EFL1: variants seen among roughly 807,000 people sequenced by gnomAD.
EFL1 encodes the protein elongation factor-like GTPase 1.
A neutral mutation model predicts 126.7 loss-of-function variants in EFL1; 76 were observed. That is an observed-to-expected ratio of 0.60 (90% CI 0.50 to 0.73). The LOEUF (loss-of-function observed/expected upper bound fraction) is 0.73, where lower values mean the gene tolerates loss of function less well. Among genes scored for constraint, EFL1 ranks in the 30% least tolerant of loss-of-function variants. The pLI, the probability that EFL1 is intolerant of heterozygous loss-of-function variation, is 0.00. For synonymous variants in EFL1, 410 were observed against 448.4 expected (o/e 0.91, Z 1.08); for missense variants, 1,128 against 1,343.2 (o/e 0.84, Z 2.50).
chr15:82,169,587 A>G (rs1290341212), intron 15 of EFL1, among the ~76,000 whole-genome samples: 1 of 152,148 alleles, frequency 6.6e-6, no homozygotes, highest in East Asian at 1.9e-4. Flanking sequence ...AACTTTTATC[A>G]TTCATATTAG....
chr15:82,207,216 G>A (rs1157376094), intron 15 of EFL1, among the ~76,000 whole-genome samples: 10 of 150,718 alleles, frequency 6.6e-5, no homozygotes, highest in Non-Finnish European at 1.2e-4. Flanking sequence ...AGAAAAAGGA[G>A]GATACTTCCT....
chr15:82,143,277 AAAT>A (rs1337502797), intron 18 of EFL1, among the ~76,000 whole-genome samples: 1 of 152,246 alleles, frequency 6.6e-6, no homozygotes, highest in South Asian at 2.1e-4. Flanking sequence ...CCTATAAAAT[AAAT>A]AATAAACCTA....
intron 19 of EFL1, among the ~76,000 whole-genome samples, chr15:82,137,854 C>T (rs1452519719): frequency 2.0e-5 from 3 of 152,162 alleles, no homozygotes; most frequent in African/African-American, 4.8e-5. Context: ...TTTTCTCATG[C>T]GGCACCTTCT....
chr15:82,239,436 T>C (rs1352306010), intron 6 of EFL1, among the ~76,000 whole-genome samples: 1 of 152,184 alleles, frequency 6.6e-6, no homozygotes, highest in African/African-American at 2.4e-5. Flanking sequence ...TCGCCCGGCC[T>C]ACCTCTTCCT....
At chr15:82,235,253 T>C (rs1231207647) in intron 7 of EFL1, among the ~76,000 whole-genome samples, 1 of 152,176 alleles carries the variant, frequency 6.6e-6, no homozygotes, top group East Asian at 1.9e-4. Context: ...CAGAATTTGG[T>C]GAAATAATTT....
chr15:82,138,980 G>A (rs2073756300), intron 18 of EFL1, 138 bp from the exon 19 acceptor site: 4 of 831,628 alleles, frequency 4.8e-6, no homozygotes, highest in South Asian at 3.3e-5. Flanking sequence ...ACAAAAGCAA[G>A]GAACACTTTT....
At chr15:82,191,225 A>G (rs1028323881) in intron 15 of EFL1, among the ~76,000 whole-genome samples, 3 of 152,204 alleles carry the variant, frequency 2.0e-5, no homozygotes, top group Non-Finnish European at 4.4e-5. Flanking sequence ...AGAACAATAC[A>G]ACACACCCTG....
Position 82,240,669 on chromosome 15 carries a change from T to C in EFL1, c.379-114A>G, listed in dbSNP as rs1596004475. 10 of 1,232,920 alleles carry C rather than the reference T, an allele frequency of 8.1e-6. No individual in the cohort carries two copies. In the East Asian group the frequency reaches 2.5e-4, roughly 30 times the overall value. The allele number at this position is 1,232,920 out of a possible 1,614,324, so 76.4% of individuals were successfully genotyped here. A position where few individuals can be genotyped will look rare whatever the true frequency, so the allele number is the denominator to read the frequency against. The stretch of plus-strand genomic sequence containing the variant: ...TATGCCAGTCAGACAAAGGTATTCA[T>C]TAGGCATTCACAAACTATGTATACA... On this transcript the variant is annotated intron_variant, in intron 5 of 19. Coordinates refer to ENST00000268206, the MANE Select transcript of EFL1 (RefSeq NM_024580.6).
intron 19 of EFL1, among the ~76,000 whole-genome samples, chr15:82,133,899 T>A (rs1244174500): frequency 6.6e-6 from 1 of 151,564 alleles, no homozygotes; most frequent in Non-Finnish European, 1.5e-5. Flanking sequence ...ACCCAGAGAG[T>A]GAGGAGTCGG....
At chr15:82,255,791 C>T (rs1191257570) in intron 3 of EFL1, among the ~76,000 whole-genome samples, 2 of 152,158 alleles carry the variant, frequency 1.3e-5, no homozygotes, top group African/African-American at 4.8e-5. Context: ...AGCCGTCAGT[C>T]AATTTCATGC....
At chr15:82,156,533 C>T (rs2073969439) in intron 17 of EFL1, among the ~76,000 whole-genome samples, 1 of 152,210 alleles carries the variant, frequency 6.6e-6, no homozygotes, top group South Asian at 2.1e-4. Context: ...TCTGCCCGCC[C>T]TGGCCTCCCA....
chr15:82,232,116 C>T (rs1566560), intron 7 of EFL1, among the ~76,000 whole-genome samples: 71,792 of 151,848 alleles, frequency 0.47, 17,486 homozygotes, highest in African/African-American at 0.56. Flanking sequence ...GTCCAAGGTC[C>T]ACATATGGAA....
At chr15:82,145,032 G>C (rs1294323389) in intron 18 of EFL1, among the ~76,000 whole-genome samples, 1 of 151,312 alleles carries the variant, frequency 6.6e-6, no homozygotes, top group South Asian at 2.1e-4. Flanking sequence ...GGCCAGGCAC[G>C]GTGGCTCACG....
intron 12 of EFL1, among the ~76,000 whole-genome samples, chr15:82,222,683 G>A (rs574812421): frequency 6.6e-6 from 1 of 152,188 alleles, no homozygotes; most frequent in African/African-American, 2.4e-5. Flanking sequence ...AATCAGCAAG[G>A]ATGTGTAAAA....
At chr15:82,207,370 GA>G (rs1178983821) in intron 15 of EFL1, among the ~76,000 whole-genome samples, 1 of 150,028 alleles carries the variant, frequency 6.7e-6, no homozygotes, top group Non-Finnish European at 1.5e-5. Flanking sequence ...CTTAACAAAT[GA>G]AACAAAGATT....
intron 15 of EFL1, among the ~76,000 whole-genome samples, chr15:82,196,278 G>C (rs1042283601): frequency 1.3e-5 from 2 of 152,124 alleles, no homozygotes; most frequent in African/African-American, 4.8e-5. Context: ...AAAGACCCGG[G>C]TTCTAGATCA....
intron 15 of EFL1, among the ~76,000 whole-genome samples, chr15:82,191,618 G>C (rs2074360880): frequency 6.7e-6 from 1 of 150,168 alleles, no homozygotes; most frequent in Admixed American, 6.6e-5. Context: ...CTTTCATCCA[G>C]ATCCAGTTCA....
intron 15 of EFL1, among the ~76,000 whole-genome samples, chr15:82,199,557 T>C (rs1393560349): frequency 1.3e-5 from 2 of 152,242 alleles, no homozygotes; most frequent in Non-Finnish European, 2.9e-5. Context: ...CTGTTTCAAA[T>C]CATTTATTTG....
At chr15:82,248,546 C>T (rs1258300228) in intron 4 of EFL1, among the ~76,000 whole-genome samples, 3 of 152,070 alleles carry the variant, frequency 2.0e-5, no homozygotes, top group African/African-American at 4.8e-5. Flanking sequence ...AACCACTAAC[C>T]CTATCCTAAC....
Sources: allele counts gnomAD v4.1 joint callset (sites outside exome capture counted in the v4.1 genomes callset), GRCh38; gene constraint gnomAD v4.1.1; transcripts MANE v1.5; gene names NCBI Gene and HGNC (gene_info 2026-07-23, HGNC 2026-07-21).